The following NLGN1 variants were observed in gnomAD, a reference collection of about 807,000 sequenced individuals.
NLGN1 encodes the protein neuroligin-1.
NLGN1 carries 12 observed loss-of-function variants against 65.5 expected under a neutral mutation model. That is an observed-to-expected ratio of 0.18 (90% CI 0.12 to 0.30). The LOEUF (loss-of-function observed/expected upper bound fraction) is 0.30. Among genes scored for constraint, NLGN1 ranks in the 10% least tolerant of loss-of-function variants. The pLI, the probability that NLGN1 is intolerant of heterozygous loss-of-function variation, is 1.00. For missense variants in NLGN1, 750 were observed against 1,007.1 expected (o/e 0.74, Z 3.46); for synonymous variants, 350 against 359.5 (o/e 0.97, Z 0.30).
chr3:173,806,569 G>GT (rs1232340573), intron 3 of NLGN1, among the ~76,000 whole-genome samples: 1 of 151,980 alleles, frequency 6.6e-6, no homozygotes, highest in African/African-American at 2.4e-5. Flanking sequence ...TAATAGTAAT[G>GT]TTTTCTTTAT....
intron 4 of NLGN1, among the ~76,000 whole-genome samples, chr3:173,868,826 G>A (rs1730663704): frequency 6.6e-6 from 1 of 152,142 alleles, no homozygotes; most frequent in Non-Finnish European, 1.5e-5. Flanking sequence ...AATGTTTCAT[G>A]TCTCTAGTTG....
chr3:174,012,794 T>C (rs1049133968), intron 4 of NLGN1, among the ~76,000 whole-genome samples: 6 of 152,196 alleles, frequency 3.9e-5, no homozygotes, highest in South Asian at 2.1e-4. Context: ...TTGTCATATA[T>C]ATATAATAGG....
intron 2 of NLGN1, among the ~76,000 whole-genome samples, chr3:173,488,044 AC>A (rs1379351850): frequency 6.7e-6 from 1 of 150,020 alleles, no homozygotes; most frequent in Non-Finnish European, 1.5e-5. Context: ...CTTCTTTTCT[AC>A]CTTCTGTTTG....
intron 4 of NLGN1, among the ~76,000 whole-genome samples, chr3:173,850,522 G>A (rs973644479): frequency 6.6e-6 from 1 of 152,062 alleles, no homozygotes; most frequent in Non-Finnish European, 1.5e-5. Context: ...GGGGAGGGTA[G>A]TATTTTATTT....
intron 2 of NLGN1, among the ~76,000 whole-genome samples, chr3:173,478,986 A>G (rs1399757450): frequency 6.6e-6 from 1 of 152,192 alleles, no homozygotes; most frequent in Non-Finnish European, 1.5e-5. Context: ...CAATGTAATA[A>G]TCAGGGTTGA....
intron 4 of NLGN1, among the ~76,000 whole-genome samples, chr3:173,871,583 C>T (rs747427257): frequency 1.3e-5 from 2 of 152,134 alleles, no homozygotes; most frequent in African/African-American, 4.8e-5. Flanking sequence ...AGATATTTCA[C>T]TGGTTTTAAT....
chr3:174,231,432 T>G (rs1740685002), intron 4 of NLGN1, among the ~76,000 whole-genome samples: 2 of 152,164 alleles, frequency 1.3e-5, no homozygotes, highest in African/African-American at 4.8e-5. Flanking sequence ...TTCAGCAGTC[T>G]ATGAGTGGTT....
intron 4 of NLGN1, among the ~76,000 whole-genome samples, chr3:173,810,565 T>C (rs1015350599): frequency 6.6e-6 from 1 of 152,230 alleles, no homozygotes; most frequent in Non-Finnish European, 1.5e-5. Flanking sequence ...CTGGAACAGG[T>C]AGTGCAATCT....
At chr3:173,680,222 C>T (rs1763780009) in intron 3 of NLGN1, among the ~76,000 whole-genome samples, 1 of 152,086 alleles carries the variant, frequency 6.6e-6, no homozygotes. Flanking sequence ...AGTTAAAACT[C>T]ATGAGATGCT....
chr3:174,130,204 C>G (rs2152669104), intron 4 of NLGN1, among the ~76,000 whole-genome samples: 1 of 152,246 alleles, frequency 6.6e-6, no homozygotes, highest in East Asian at 1.9e-4. Flanking sequence ...GAAACCCCGT[C>G]TCTACTAAAA....
At chr3:173,985,169 T>C (rs1480047514) in intron 4 of NLGN1, among the ~76,000 whole-genome samples, 2 of 152,216 alleles carry the variant, frequency 1.3e-5, no homozygotes, top group Non-Finnish European at 2.9e-5. Flanking sequence ...TTATGACGAT[T>C]TGAAACTCCA....
intron 4 of NLGN1, among the ~76,000 whole-genome samples, chr3:173,861,571 CATAT>C (rs570504805): frequency 7.1e-6 from 1 of 141,678 alleles, no homozygotes; most frequent in Non-Finnish European, 1.5e-5. Context: ...TACACACACA[CATAT>C]ATATACACAC....
chr3:173,881,107 TTTTTTTTG>T (rs1206665222), intron 4 of NLGN1, among the ~76,000 whole-genome samples: 2,126 of 146,478 alleles, frequency 0.015, 53 homozygotes, highest in African/African-American at 0.048. Flanking sequence ...TTTTTTTTTT[TTTTTTTTG>T]AGACAGAGCT....
chr3:173,853,484 A>G (rs1233802473), intron 4 of NLGN1, among the ~76,000 whole-genome samples: 5 of 152,098 alleles, frequency 3.3e-5, no homozygotes, highest in African/African-American at 1.2e-4. Context: ...AAAGCATTAA[A>G]CTCAATATAA....
intron 3 of NLGN1, among the ~76,000 whole-genome samples, chr3:173,630,654 A>G (rs1755545287): frequency 1.3e-5 from 2 of 151,866 alleles, no homozygotes; most frequent in African/African-American, 4.8e-5. Context: ...ACAGAGAGAA[A>G]CTCAATCCTT....
At chr3:173,784,853 C>G (rs765089122) in intron 3 of NLGN1, among the ~76,000 whole-genome samples, 1 of 152,090 alleles carries the variant, frequency 6.6e-6, no homozygotes, top group Non-Finnish European at 1.5e-5. Context: ...TAGCAAGTCA[C>G]GCAAATAAGC....
At chr3:173,610,378 G>A (rs1577521531) in intron 3 of NLGN1, among the ~76,000 whole-genome samples, 1 of 152,046 alleles carries the variant, frequency 6.6e-6, no homozygotes, top group Middle Eastern at 3.4e-3. Flanking sequence ...AGACATTCAA[G>A]TCAAGACATC....
At chr3:173,857,586 C>CA (rs147737340) in intron 4 of NLGN1, among the ~76,000 whole-genome samples, 6,171 of 150,884 alleles carry the variant, frequency 0.041, 200 homozygotes, top group Middle Eastern at 0.1. Flanking sequence ...CCCACTAATA[C>CA]AAAAAAAAAT....
intron 4 of NLGN1, among the ~76,000 whole-genome samples, chr3:174,199,552 A>G (rs976075405): frequency 1.3e-5 from 2 of 151,894 alleles, no homozygotes; most frequent in Non-Finnish European, 2.9e-5. Context: ...GTCCTTTTCA[A>G]GAGGATCCTC....
Sources: allele counts gnomAD v4.1 joint callset (sites outside exome capture counted in the v4.1 genomes callset), GRCh38; gene constraint gnomAD v4.1.1; transcripts MANE v1.5; gene names NCBI Gene and HGNC (gene_info 2026-07-23, HGNC 2026-07-21).